The following PKP4 variants were observed in gnomAD, a reference collection of about 807,000 sequenced individuals.
PKP4 encodes the protein plakophilin 4.
In PKP4, 90 loss-of-function variants were observed where a neutral mutation model predicts 145.1. The ratio of observed to expected loss-of-function variants is 0.62; its 90% CI spans 0.52 to 0.74. The LOEUF (loss-of-function observed/expected upper bound fraction) is 0.74, where lower values mean the gene tolerates loss of function less well. Among genes scored for constraint, PKP4 ranks in the 30% least tolerant of loss-of-function variants. The probability of loss-of-function intolerance (pLI) is 0.00; values close to 1 mark genes in which losing one functional copy is unlikely to be tolerated. For missense variants in PKP4, 1,340 were observed against 1,482.7 expected, an observed-to-expected ratio of 0.90 and a Z score of 1.58; for synonymous variants, 563 against 577.2, an observed-to-expected ratio of 0.98 and a Z score of 0.35.
intron 2 of PKP4, chr2:158,549,137 A>G (rs915595129): frequency 2.0e-5 from 4 of 201,724 alleles, no homozygotes; most frequent in Non-Finnish European, 4.3e-5. Context: ...ATCACTGGGG[A>G]GGCAGTGTCC....
intron 1 of PKP4, among the ~76,000 whole-genome samples, chr2:158,526,064 A>G (rs1426620770): frequency 4.0e-5 from 6 of 151,746 alleles, no homozygotes; most frequent in Non-Finnish European, 5.9e-5. Flanking sequence ...TACAAGGAGG[A>G]ACTGGTACCA....
intron 3 of PKP4, among the ~76,000 whole-genome samples, chr2:158,597,707 AAATTT>A (rs2049877594): frequency 6.6e-6 from 1 of 152,224 alleles, no homozygotes; most frequent in African/African-American, 2.4e-5. Flanking sequence ...ATACTGAGTA[AAATTT>A]AATTTGTTAT....
intron 19 of PKP4, 99 bp from the exon 20 acceptor site, chr2:158,676,640 G>A (rs1422463588): frequency 5.7e-6 from 8 of 1,397,246 alleles, no homozygotes; most frequent in Admixed American, 5.1e-5. Flanking sequence ...GTCATTTCTA[G>A]TTACTGAGCT....
chr2:158,639,625 A>G (rs1484854501), intron 9 of PKP4, among the ~76,000 whole-genome samples: 1 of 152,214 alleles, frequency 6.6e-6, no homozygotes, highest in African/African-American at 2.4e-5. Flanking sequence ...TTTTCACATA[A>G]TATAAGCACA....
At chr2:158,531,035 G>A (rs1280500611) in intron 1 of PKP4, among the ~76,000 whole-genome samples, 3 of 152,162 alleles carry the variant, frequency 2.0e-5, no homozygotes, top group East Asian at 1.9e-4. Context: ...CCCCCTAATG[G>A]TCAATGTCCC....
chr2:158,538,035 T>C (rs2044207124), intron 2 of PKP4, among the ~76,000 whole-genome samples: 1 of 151,828 alleles, frequency 6.6e-6, no homozygotes, highest in South Asian at 2.1e-4. Context: ...GAAAGAAAAA[T>C]GTGGTGCCCT....
At chr2:158,556,396 C>G (rs1278478667) in intron 2 of PKP4, among the ~76,000 whole-genome samples, 1 of 152,154 alleles carries the variant, frequency 6.6e-6, no homozygotes, top group Non-Finnish European at 1.5e-5. Context: ...TGCAGTCTCA[C>G]CTGGGACTTG....
At chr2:158,676,646 G>T in intron 19 of PKP4, 93 bp from the exon 20 acceptor site, 1 of 1,441,602 alleles carries the variant, frequency 6.9e-7, no homozygotes, top group Non-Finnish European at 9.7e-7. Flanking sequence ...TCTAGTTACT[G>T]AGCTTTGTGT....
chr2:158,540,867 A>C (rs1057432220), intron 2 of PKP4, among the ~76,000 whole-genome samples: 1 of 152,218 alleles, frequency 6.6e-6, no homozygotes, highest in Non-Finnish European at 1.5e-5. Context: ...CTTTGTTAAC[A>C]CTTAAAGCCA....
At chr2:158,642,036 G>C (rs189317900) in intron 10 of PKP4, among the ~76,000 whole-genome samples, 4 of 151,932 alleles carry the variant, frequency 2.6e-5, no homozygotes, top group Non-Finnish European at 4.4e-5. Context: ...GGTGGGGGGT[G>C]GGGGGCACAG....
At chr2:158,620,871 A>G (rs1025968717) in intron 4 of PKP4, 119 bp from the exon 5 acceptor site, 1 of 782,686 alleles carries the variant, frequency 1.3e-6, no homozygotes, top group African/African-American at 1.7e-5. Context: ...TAAGCTGAAA[A>G]TAATAGCCTT....
chr2:158,647,145 CCTTTG>C (rs2054907224), intron 11 of PKP4, among the ~76,000 whole-genome samples: 1 of 152,172 alleles, frequency 6.6e-6, no homozygotes, highest in South Asian at 2.1e-4. Flanking sequence ...TATAAAGTCC[CCTTTG>C]AAAACAGAAC....
chr2:158,680,484 A>T lies in PKP4; in HGVS notation c.3386A>T (p.Tyr1129Phe), dbSNP rs1165854219. 6.2e-7 allele frequency: 1 copy of T among 1,613,070 alleles called. No homozygotes were observed. Among genetic ancestry groups the T allele is most frequent in the Non-Finnish European group, 8.5e-7 (1 of 1,179,128 alleles). The change falls in exon 22 of 22, where the codon TAC becomes TTC. Residue 1129 changes from tyrosine (Y) to phenylalanine (F), a missense_variant. Physicochemically the swap from Tyr to Phe is conservative, Grantham distance 22. Coordinates refer to ENST00000389759, the MANE Select transcript of PKP4 (RefSeq NM_003628.6). ...TCCAACAGAAAGAACTTTGATGCAT[A>T]CAGATTGTATTTGCAGTCTCCTCAT... Reference protein sequence around the residue: ...DDSNRKNFDAYRLYLQSPHSY... With the variant: ...DDSNRKNFDAFRLYLQSPHSY...
chr2:158,486,228 AAGG>A (rs1388235491), intron 1 of PKP4, among the ~76,000 whole-genome samples: 1 of 152,220 alleles, frequency 6.6e-6, no homozygotes, highest in African/African-American at 2.4e-5. Flanking sequence ...GATATGATAT[AAGG>A]AGAAAATTGT....
intron 2 of PKP4, among the ~76,000 whole-genome samples, chr2:158,566,622 A>G (rs1164906162): frequency 6.6e-6 from 1 of 152,178 alleles, no homozygotes; most frequent in Non-Finnish European, 1.5e-5. Context: ...TATTAATTCT[A>G]CCAAATAACT....
intron 1 of PKP4, among the ~76,000 whole-genome samples, chr2:158,518,277 C>T (rs2042089725): frequency 6.6e-6 from 1 of 152,194 alleles, no homozygotes; most frequent in Non-Finnish European, 1.5e-5. Context: ...AGTTACGTCA[C>T]AGCTTAGTGA....
chr2:158,576,460 T>TTA (rs2047860376), intron 2 of PKP4, among the ~76,000 whole-genome samples: 1 of 152,176 alleles, frequency 6.6e-6, no homozygotes, highest in Non-Finnish European at 1.5e-5. Flanking sequence ...GGAATGTACT[T>TTA]GATCTTTAGA....
chr2:158,593,579 T>C (rs1044287527), intron 3 of PKP4, among the ~76,000 whole-genome samples: 4 of 152,314 alleles, frequency 2.6e-5, no homozygotes, highest in African/African-American at 9.6e-5. Context: ...TGTCAAAGAA[T>C]ATTTAACATC....
At chr2:158,522,466 T>C (rs1055896971) in intron 1 of PKP4, among the ~76,000 whole-genome samples, 3 of 152,226 alleles carry the variant, frequency 2.0e-5, no homozygotes, top group African/African-American at 4.8e-5. Flanking sequence ...TACACAATTA[T>C]ACTGCCAGTT....
Sources: gnomAD v4.1 joint callset for allele counts (sites outside exome capture counted in the v4.1 genomes callset) on GRCh38, gnomAD v4.1.1 for gene constraint, MANE v1.5 for transcripts, NCBI Gene and HGNC (gene_info 2026-07-23, HGNC 2026-07-21) for gene names.